Variants in WNK2 observed in about 807,000 individuals in gnomAD.
WNK2 encodes the protein serine/threonine-protein kinase WNK2.
WNK2 carries 67 observed loss-of-function variants against 192.1 expected under a neutral mutation model. The observed-to-expected ratio is 0.35, with a 90% CI of 0.29 to 0.43. The LOEUF is 0.43. WNK2 is among the 20% of genes least tolerant of loss of function. WNK2 has a pLI of 1.00. For synonymous variants in WNK2, 1,439 were observed against 1,393.9 expected, an observed-to-expected ratio of 1.03 and a Z score of -0.72; for missense variants, 2,698 against 3,089.7, an observed-to-expected ratio of 0.87 and a Z score of 3.01.
intron 8 of WNK2, among the ~76,000 whole-genome samples, chr9:93,250,057 G>A (rs1842339682): frequency 6.6e-6 from 1 of 151,680 alleles, no homozygotes; most frequent in African/African-American, 2.4e-5. Context: ...GGGACTATAG[G>A]CATGTGCCAC....
rs754719317 is a variant in WNK2, at chr9:93,289,551, G to C, written c.4797G>C (p.Gly1599=). 1.9e-6 allele frequency: 3 copies of C among 1,564,812 alleles called. No individual in the cohort carries two copies. In the African/African-American group the frequency reaches 4.1e-5, roughly 21 times the overall value. The change falls in exon 20 of 30, where the codon GGG becomes GGC. Residue 1599 remains glycine (G), a synonymous_variant. Transcript: ENST00000427277. Reference sequence around the variant, plus strand: ...ACCAGCCCCGCTCAGAGGTCTGCGGGGGGGACCTGGCCCTGCCCCCAGTGC... The same window carrying C: ...ACCAGCCCCGCTCAGAGGTCTGCGGCGGGGACCTGGCCCTGCCCCCAGTGC... ...RGDQPRSEVC[G]GDLALPPVPK... is the part of the protein sequence containing the mutation.
chr9:93,189,495 G>C (rs1024526276), intron 2 of WNK2, among the ~76,000 whole-genome samples: 1 of 152,208 alleles, frequency 6.6e-6, no homozygotes, highest in Non-Finnish European at 1.5e-5. Context: ...CCACCCAGAG[G>C]GGGCAGGGCT....
intron 23 of WNK2, among the ~76,000 whole-genome samples, chr9:93,294,470 G>T (rs1249308780): frequency 6.6e-6 from 1 of 152,206 alleles, no homozygotes; most frequent in African/African-American, 2.4e-5. Context: ...AACCTTTTGG[G>T]ATAGAGGGCA....
chr9:93,195,280 G>A (rs977239488), intron 2 of WNK2, among the ~76,000 whole-genome samples: 2 of 152,112 alleles, frequency 1.3e-5, no homozygotes, highest in African/African-American at 4.8e-5. Context: ...AATAATAGGG[G>A]AACCTGTGTG....
intron 26 of WNK2, among the ~76,000 whole-genome samples, chr9:93,306,145 T>G (rs1478497416): frequency 6.6e-6 from 1 of 152,204 alleles, no homozygotes; most frequent in Non-Finnish European, 1.5e-5. Flanking sequence ...CTACCCCTTG[T>G]GGATACTGAC....
At chr9:93,206,272 G>A (rs1833366410) in intron 2 of WNK2, among the ~76,000 whole-genome samples, 1 of 152,334 alleles carries the variant, frequency 6.6e-6, no homozygotes, top group Middle Eastern at 3.4e-3. Context: ...GCCCTCTGGT[G>A]CTGGTGGACA....
In WNK2 at chr9:93,289,582, G is replaced by T; in HGVS notation, c.4828G>T (p.Glu1610Ter). The change falls in exon 20 of 30, where the codon GAG (glutamate) becomes TAG (stop). Residue 1610 changes from glutamate (E) to a stop codon, truncating the protein, a stop_gained. Transcript: ENST00000427277. LOFTEE classifies it high-confidence loss of function. The part of the protein sequence containing the change: ...GDLALPPVPK[E>*]AVSGRVQLPQ... ...CCTGGCCCTGCCCCCAGTGCCTAAGGAGGCGGTCTCAGGGCGTGTCCAGCT... is the reference window on the plus strand; with the variant it reads ...CCTGGCCCTGCCCCCAGTGCCTAAGTAGGCGGTCTCAGGGCGTGTCCAGCT... The T allele has an allele frequency of 6.6e-7, 1 of 1,517,748 alleles. No homozygotes were observed. Among genetic ancestry groups the T allele is most frequent in the Non-Finnish European group, 8.8e-7 (1 of 1,135,584 alleles). The allele number at this position is 1,517,748 out of a possible 1,614,324, so 94.0% of individuals were successfully genotyped here. A position where few individuals can be genotyped will look rare whatever the true frequency, so the allele number is the denominator to read the frequency against.
In WNK2 at chr9:93,287,250, G is replaced by T. The variant is rs566846912; in HGVS notation, c.4034-1538G>T. On this transcript the variant is annotated intron_variant, in intron 19 of 29. Coordinates refer to ENST00000427277, the MANE Select transcript of WNK2 (RefSeq NM_006648.4). ...GGGTGCTCAGAGGCTGCCGATGGTGGGGGCATTGGCTCCTGCTTGGGGAAG... is the reference window on the plus strand; with the variant it reads ...GGGTGCTCAGAGGCTGCCGATGGTGTGGGCATTGGCTCCTGCTTGGGGAAG... Among the ~76,000 whole-genome samples, 7 of 152,274 alleles carry T rather than the reference G, an allele frequency of 4.6e-5. No individual in the cohort carries two copies. In the South Asian group the frequency reaches 1.5e-3, roughly 32 times the overall value.
At chr9:93,232,988 C>T (rs946606656) in intron 4 of WNK2, among the ~76,000 whole-genome samples, 13 of 92,528 alleles carry the variant, frequency 1.4e-4, no homozygotes, top group Non-Finnish European at 2.7e-4. Context: ...AAAAAAAAGG[C>T]GGGGGAAGGA....
chr9:93,308,388 T>A lies in WNK2; in HGVS notation c.6320T>A (p.Val2107Asp). Residue 2107 changes from valine to aspartate, a missense_variant, in exon 28 of 30, where the codon GTC (valine) becomes GAC (aspartate). Physicochemically the swap from Val to Asp is radical, Grantham distance 152. Coordinates refer to ENST00000427277, the MANE Select transcript of WNK2 (RefSeq NM_006648.4). ...PEPGPQPALHVQAQVNNSNNK... is the reference protein window; with the variant it reads ...PEPGPQPALHDQAQVNNSNNK... ...CCAGGCCCCCAGCCCGCCCTGCACG[T>A]CCAGGCGCAGGTGAACAACAGCAAC... The A allele has an allele frequency of 6.3e-7, 1 of 1,574,864 alleles. No homozygotes were observed.
intron 12 of WNK2, among the ~76,000 whole-genome samples, chr9:93,260,826 C>T (rs1040937091): frequency 1.3e-5 from 2 of 152,180 alleles, no homozygotes; most frequent in South Asian, 2.1e-4. Flanking sequence ...CGCTGGTTTG[C>T]AGTCAGGTCT....
rs1448854167 is a variant in WNK2 at position 93,184,200 on chromosome 9, C to T, written c.-188C>T. Among the ~76,000 whole-genome samples the T allele has an allele frequency of 1.3e-5, 2 of 150,310 alleles. No homozygotes were observed. Among genetic ancestry groups the T allele is most frequent in the Non-Finnish European group, 3.0e-5 (2 of 67,400 alleles). ...GAGCCGCGCGAAGCCGGCAGGAGCACGCGGGAGCGCGGCCCCGCAGTGGCC... is the reference window on the plus strand; with the variant it reads ...GAGCCGCGCGAAGCCGGCAGGAGCATGCGGGAGCGCGGCCCCGCAGTGGCC... On this transcript the variant is annotated 5_prime_UTR_variant, in exon 1 of 30. The change creates a new upstream start codon in the 5' untranslated region. Transcript: ENST00000427277.
chr9:93,210,788 C>G (rs1013960084), intron 2 of WNK2, among the ~76,000 whole-genome samples: 4 of 152,270 alleles, frequency 2.6e-5, no homozygotes, highest in Non-Finnish European at 4.4e-5. Flanking sequence ...TCTCCAGATG[C>G]TCATTGTCTC....
chr9:93,265,924 T>C (rs965366470), intron 16 of WNK2, among the ~76,000 whole-genome samples: 8 of 152,246 alleles, frequency 5.3e-5, no homozygotes, highest in Non-Finnish European at 1.0e-4. Flanking sequence ...GTGTGCTTTG[T>C]AAAAATAGCA....
At chr9:93,279,324 G>T (rs1252875335) in intron 19 of WNK2, among the ~76,000 whole-genome samples, 4 of 152,214 alleles carry the variant, frequency 2.6e-5, no homozygotes, top group African/African-American at 7.2e-5. Context: ...AACAATCAAA[G>T]ATTGAAATTC....
rs777710787 is a variant in WNK2, at chr9:93,256,388, C to T, written c.2124C>T (p.Pro708=). 21 of 1,558,602 alleles carry T rather than the reference C, an allele frequency of 1.3e-5. No individual in the cohort carries two copies. Among genetic ancestry groups the T allele is most frequent in the Admixed American group, 5.5e-5 (3 of 54,396 alleles). The change falls in exon 10 of 30, where the codon CCC becomes CCT. Residue 708 remains proline, a synonymous_variant. Transcript: ENST00000427277. ...CGGATCCGGCCATGAGCTTCGCCCC[C>T]GTGCTGCCGCCGCCCAGCACCCCCA... ...HFPDPAMSFA[P]VLPPPSTPMP...
intron 19 of WNK2, among the ~76,000 whole-genome samples, chr9:93,286,354 C>G (rs1450183454): frequency 1.3e-5 from 2 of 152,130 alleles, no homozygotes; most frequent in Non-Finnish European, 2.9e-5. Flanking sequence ...AGGCAAGAGA[C>G]TTGAACAGGT....
intron 20 of WNK2, 81 bp from the exon 21 acceptor site, chr9:93,289,894 AGGG>A (rs1849042418): frequency 7.4e-7 from 1 of 1,356,570 alleles, no homozygotes; most frequent in East Asian, 2.5e-5. Context: ...GCTTGAGATG[AGGG>A]GAGTGGATTT....
chr9:93,300,327 CCAGCGCCTACCCCCAAGCCCCACA>C, intron 26 of WNK2, 178 bp downstream of exon 26: 1 of 554,818 alleles, frequency 1.8e-6, no homozygotes, highest in Non-Finnish European at 3.2e-6. Context: ...GCGGCGGCCG[CCAGCGCCTACCCCCAAGCCCCACA>C]CAGCGTGTGT....
Sources: allele counts gnomAD v4.1 joint callset (sites outside exome capture counted in the v4.1 genomes callset), GRCh38; gene constraint gnomAD v4.1.1; transcripts MANE v1.5; gene names NCBI Gene and HGNC (gene_info 2026-07-23, HGNC 2026-07-21).